UBE2L6: variants seen among roughly 807,000 people sequenced by gnomAD.
The protein encoded by UBE2L6 is ubiquitin conjugating enzyme E2 L6, also known as ubiquitin/ISG15-conjugating enzyme E2 L6.
A neutral mutation model predicts 13.6 loss-of-function variants in UBE2L6; 11 were observed. The observed-to-expected ratio is 0.81, with a 90% CI of 0.51 to 1.34. UBE2L6 has a LOEUF of 1.34. UBE2L6 is among the 40% of genes most tolerant of loss of function. The pLI is 0.00. For missense variants in UBE2L6, 197 were observed against 199.5 expected (o/e 0.99, Z 0.07); for synonymous variants, 74 against 83.2 (o/e 0.89, Z 0.60).
rs754324676 is a variant in UBE2L6 at position 57,552,327 on chromosome 11, G to C, written c.*31C>G. The C allele has an allele frequency of 2.0e-5, 32 of 1,612,720 alleles. No homozygotes were observed. The East Asian group carries it at 7.1e-4, about 36-fold the overall frequency. On this transcript the variant is annotated 3_prime_UTR_variant, in exon 4 of 4. Coordinates refer to ENST00000287156, the MANE Select transcript of UBE2L6 (RefSeq NM_004223.5). ...GAGGTGTGTCCGTCCGCTATGCCGA[G>C]GATCCAGTGCACAGAGGGTCAGAAC...
At chr11:57,557,737 CT>C (rs1164450038) in intron 2 of UBE2L6, among the ~76,000 whole-genome samples, 1 of 152,134 alleles carries the variant, frequency 6.6e-6, no homozygotes, top group Non-Finnish European at 1.5e-5. Context: ...CCAAATTAAC[CT>C]CTTTTCTTTA....
intron 2 of UBE2L6, among the ~76,000 whole-genome samples, chr11:57,557,067 CAAAAAAAAAAAAAAG>C (rs1945003564): frequency 1.6e-5 from 2 of 124,306 alleles, no homozygotes; most frequent in Non-Finnish European, 3.5e-5. Flanking sequence ...ACTCTGTCAC[CAAAAAAAAAAAAAAG>C]GAAAGAAAAG....
At chr11:57,560,713 T>C (rs551628824) in intron 1 of UBE2L6, among the ~76,000 whole-genome samples, 46 of 151,460 alleles carry the variant, frequency 3.0e-4, no homozygotes, top group Non-Finnish European at 6.0e-4. Flanking sequence ...CTCCGCCTCC[T>C]GGGTTCACGC....
At position 57,566,609 on chromosome 11, in the gene UBE2L6, T is replaced by C. The variant is rs1374484489; in HGVS notation, c.27+976A>G. On this transcript the variant is annotated intron_variant, in intron 1 of 3. Transcript: ENST00000287156. Reference sequence around the variant, plus strand: ...TTGGCTGGAAAGACCCTCTGCCTCATTTTGCTGCCAACCTCCAGATTTAGT... The same window carrying C: ...TTGGCTGGAAAGACCCTCTGCCTCACTTTGCTGCCAACCTCCAGATTTAGT... Among the ~76,000 whole-genome samples, 5 of 152,326 alleles carry C rather than the reference T, an allele frequency of 3.3e-5. No individual in the cohort carries two copies. In the East Asian group the frequency reaches 9.6e-4, roughly 29 times the overall value.
At chr11:57,556,592 C>CAAAAAA (rs368936864) in intron 2 of UBE2L6, among the ~76,000 whole-genome samples, 6 of 73,692 alleles carry the variant, frequency 8.1e-5, no homozygotes, top group Admixed American at 1.8e-4. Context: ...AACTCCGTCT[C>CAAAAAA]AAAAAAAAAA....
chr11:57,567,840 G>C (rs1362302873), upstream of UBE2L6: 6 of 477,038 alleles, frequency 1.3e-5, no homozygotes, highest in Admixed American at 2.6e-4. Context: ...GCTCGGACCC[G>C]GGACTCACGG....
At chr11:57,557,724 G>C (rs1945008784) in intron 2 of UBE2L6, among the ~76,000 whole-genome samples, 1 of 152,146 alleles carries the variant, frequency 6.6e-6, no homozygotes, top group Non-Finnish European at 1.5e-5. Context: ...GCAGAAGCTT[G>C]AGCCAAATTA....
rs570957237 is a variant in UBE2L6 at position 57,554,555 on chromosome 11, C to T, written c.192G>A (p.Lys64=). 4 of 1,614,120 alleles carry T rather than the reference C, an allele frequency of 2.5e-6. No homozygotes were observed. The highest frequency in any genetic ancestry group is 3.4e-6 in the Non-Finnish European group (4 of 1,180,028). ...TGGTTGTGAATTTGATCATGGGAGG[C>T]TTGAACGGATACTCCGGCGGGAAGC... is the stretch of plus-strand genomic sequence containing the variant. The part of the protein sequence containing the change: ...RISFPPEYPF[K]PPMIKFTTKI... Residue 64 remains lysine, a synonymous_variant, in exon 3 of 4, where the codon AAG becomes AAA. Coordinates refer to ENST00000287156, the MANE Select transcript of UBE2L6 (RefSeq NM_004223.5).
chr11:57,557,066 C>T (rs61887017), intron 2 of UBE2L6, among the ~76,000 whole-genome samples: 1 of 147,382 alleles, frequency 6.8e-6, no homozygotes. Context: ...GACTCTGTCA[C>T]CAAAAAAAAA....
At chr11:57,562,513 C>T (rs1441688903) in intron 1 of UBE2L6, among the ~76,000 whole-genome samples, 1 of 152,204 alleles carries the variant, frequency 6.6e-6, no homozygotes, top group African/African-American at 2.4e-5. Flanking sequence ...TTACAGCGGG[C>T]CTTGAGCAAA....
At chr11:57,567,313 G>A (rs967017963) in intron 1 of UBE2L6, 76 of 567,376 alleles carry the variant, frequency 1.3e-4, no homozygotes, top group Middle Eastern at 4.3e-4. Context: ...GGCAGGAAAA[G>A]CGAAATTGAA....
At chr11:57,552,781 G>C (rs1203907301) in intron 3 of UBE2L6, among the ~76,000 whole-genome samples, 1 of 152,160 alleles carries the variant, frequency 6.6e-6, no homozygotes, top group Non-Finnish European at 1.5e-5. Context: ...TGAGGTTTCT[G>C]GGTCTTATCC....
intron 1 of UBE2L6, among the ~76,000 whole-genome samples, chr11:57,565,143 G>A (rs1026727365): frequency 6.6e-6 from 1 of 151,868 alleles, no homozygotes; most frequent in Non-Finnish European, 1.5e-5. Flanking sequence ...TCAGGAGGCT[G>A]AGGCAGGAGA....
intron 2 of UBE2L6, 93 bp from the exon 3 acceptor site, chr11:57,554,716 A>G: frequency 7.3e-7 from 1 of 1,373,762 alleles, no homozygotes; most frequent in Non-Finnish European, 1.0e-6. Context: ...CTTCACTCCC[A>G]GGAGGAATCA....
intron 3 of UBE2L6, among the ~76,000 whole-genome samples, chr11:57,553,859 A>G (rs1188232755): frequency 6.6e-6 from 1 of 152,218 alleles, no homozygotes; most frequent in Non-Finnish European, 1.5e-5. Flanking sequence ...TTCAGTTGCA[A>G]CAGCCACATG....
chr11:57,555,383 A>G (rs769277023), intron 2 of UBE2L6, among the ~76,000 whole-genome samples: 6 of 152,244 alleles, frequency 3.9e-5, no homozygotes, highest in Admixed American at 6.5e-5. Context: ...AGCTAGACAA[A>G]AAAAGGACAG....
intron 1 of UBE2L6, 175 bp from the exon 2 acceptor site, chr11:57,560,607 G>T: frequency 1.8e-6 from 1 of 550,256 alleles, no homozygotes; most frequent in Non-Finnish European, 3.2e-6. Flanking sequence ...CATGGTGCTG[G>T]TGCTTTTTCT....
At chr11:57,556,041 G>C (rs756507951) in intron 2 of UBE2L6, among the ~76,000 whole-genome samples, 1 of 152,190 alleles carries the variant, frequency 6.6e-6, no homozygotes, top group African/African-American at 2.4e-5. Context: ...TCTAGACTTT[G>C]AGCCACCTGA....
chr11:57,554,033 T>G (rs554959531), intron 3 of UBE2L6, among the ~76,000 whole-genome samples: 8 of 152,246 alleles, frequency 5.3e-5, no homozygotes, highest in Non-Finnish European at 1.2e-4. Context: ...TTTAGCACAG[T>G]GCCGAAAGTG....
Sources: allele counts gnomAD v4.1 joint callset (sites outside exome capture counted in the v4.1 genomes callset), GRCh38; gene constraint gnomAD v4.1.1; transcripts MANE v1.5; gene names NCBI Gene and HGNC (gene_info 2026-07-23, HGNC 2026-07-21).